PRKAR2A: variants seen among roughly 807,000 people sequenced by gnomAD.
PRKAR2A encodes protein kinase cAMP-dependent type II regulatory subunit alpha.
PRKAR2A carries 29 observed loss-of-function variants against 51.9 expected under a neutral mutation model. The observed-to-expected ratio is 0.56, with a 90% CI of 0.42 to 0.76. PRKAR2A has a LOEUF of 0.76. Ranked by LOEUF, PRKAR2A falls within the 30% of genes least tolerant of loss-of-function variation. PRKAR2A has a pLI of 0.00. For synonymous variants in PRKAR2A, 178 were observed against 186.2 expected (o/e 0.96, Z 0.36); for missense variants, 445 against 512.1 (o/e 0.87, Z 1.26).
chr3:48,811,932 A>T (rs1340029033), intron 1 of PRKAR2A, among the ~76,000 whole-genome samples: 1 of 152,154 alleles, frequency 6.6e-6, no homozygotes, highest in Non-Finnish European at 1.5e-5. Flanking sequence ...AGAAAAACAC[A>T]AAGTAGATGA....
intron 2 of PRKAR2A, among the ~76,000 whole-genome samples, chr3:48,794,535 A>G (rs1394280810): frequency 6.6e-6 from 1 of 151,926 alleles, no homozygotes; most frequent in East Asian, 2.0e-4. Flanking sequence ...TCTCTACTAA[A>G]AATACAAAAA....
chr3:48,758,997 A>C (rs2081820128), intron 8 of PRKAR2A, among the ~76,000 whole-genome samples: 1 of 152,244 alleles, frequency 6.6e-6, no homozygotes, highest in African/African-American at 2.4e-5. Flanking sequence ...AATGAAGGAC[A>C]GTGAAAGGAC....
intron 9 of PRKAR2A, among the ~76,000 whole-genome samples, chr3:48,755,780 CTTTTTTTTTT>C (rs1160883747): frequency 7.5e-6 from 1 of 133,494 alleles, no homozygotes; most frequent in Non-Finnish European, 1.6e-5. Flanking sequence ...CCCCCATTTC[CTTTTTTTTTT>C]TTTTTTTTGA....
chr3:48,799,305 T>C (rs984159635), intron 2 of PRKAR2A, among the ~76,000 whole-genome samples: 6 of 152,140 alleles, frequency 3.9e-5, no homozygotes, highest in Non-Finnish European at 2.9e-5. Context: ...GTAATCCCAA[T>C]ACTTTGGGAG....
At chr3:48,746,238 G>T (rs186361858), downstream of PRKAR2A, among the ~76,000 whole-genome samples, 2 of 151,520 alleles carry the variant, frequency 1.3e-5, no homozygotes, top group Admixed American at 1.3e-4. Context: ...TAGGCTGGGT[G>T]CAGTGGCTCA....
chr3:48,805,764 T>C (rs745960340), intron 2 of PRKAR2A, among the ~76,000 whole-genome samples: 12 of 152,244 alleles, frequency 7.9e-5, no homozygotes, highest in Non-Finnish European at 1.3e-4. Flanking sequence ...TATCATCCTA[T>C]TGAATTATTT....
intron 1 of PRKAR2A, among the ~76,000 whole-genome samples, chr3:48,810,327 C>A (rs1026376171): frequency 2.0e-5 from 3 of 152,066 alleles, no homozygotes; most frequent in South Asian, 4.1e-4. Context: ...GTTCCGTAGA[C>A]CCCCATGGAT....
At chr3:48,811,378 G>C (rs2082767596) in intron 1 of PRKAR2A, among the ~76,000 whole-genome samples, 1 of 152,142 alleles carries the variant, frequency 6.6e-6, no homozygotes, top group Non-Finnish European at 1.5e-5. Flanking sequence ...CAGATGCTGA[G>C]GTGGGAGGAT....
intron 1 of PRKAR2A, among the ~76,000 whole-genome samples, chr3:48,837,942 G>GCCGTGGTGGACAGATCAC: frequency 6.6e-6 from 1 of 152,296 alleles, no homozygotes; most frequent in South Asian, 2.1e-4. Flanking sequence ...ACTTTGGGAG[G>GCCGTGGTGGACAGATCAC]CTGAGGCAGG....
intron 1 of PRKAR2A, among the ~76,000 whole-genome samples, chr3:48,830,322 T>A (rs2083168356): frequency 6.6e-6 from 1 of 152,082 alleles, no homozygotes; most frequent in Admixed American, 6.5e-5. Flanking sequence ...CACCTCTACA[T>A]CTTGTACCAC....
At chr3:48,828,683 G>A (rs1364435479) in intron 1 of PRKAR2A, among the ~76,000 whole-genome samples, 3 of 142,710 alleles carry the variant, frequency 2.1e-5, no homozygotes, top group Non-Finnish European at 3.0e-5. Flanking sequence ...GATCGCACCC[G>A]GGCAACAGAG....
chr3:48,836,419 TAAAAAA>T (rs548970318), intron 1 of PRKAR2A, among the ~76,000 whole-genome samples: 756 of 56,070 alleles, frequency 0.013, 16 homozygotes, highest in African/African-American at 0.033. Context: ...AGACTCCGTC[TAAAAAA>T]AAAAAAAAAA....
At chr3:48,795,017 C>T (rs1412422204) in intron 2 of PRKAR2A, among the ~76,000 whole-genome samples, 2 of 151,116 alleles carry the variant, frequency 1.3e-5, no homozygotes, top group Admixed American at 6.6e-5. Flanking sequence ...CGCTCTGTCA[C>T]CCAAGCTGGA....
intron 1 of PRKAR2A, among the ~76,000 whole-genome samples, chr3:48,822,251 G>T (rs1366113111): frequency 1.3e-5 from 2 of 149,688 alleles, no homozygotes; most frequent in Non-Finnish European, 3.0e-5. Flanking sequence ...CCAGCATCCA[G>T]CCTGGCACTG....
At chr3:48,843,831 T>C (rs2083418072) in intron 1 of PRKAR2A, among the ~76,000 whole-genome samples, 2 of 151,714 alleles carry the variant, frequency 1.3e-5, no homozygotes, top group Admixed American at 6.6e-5. Context: ...ATACAAAAAT[T>C]AATTCAAGAT....
chr3:48,747,552 G>C lies in PRKAR2A; in HGVS notation c.*4033C>G, dbSNP rs1448323869. ...GAATTCACTCATTAAACTGCTCAAAGGAAAAGCTCTACCCTGATTTCTGAG... is the reference window on the plus strand; with the variant it reads ...GAATTCACTCATTAAACTGCTCAAACGAAAAGCTCTACCCTGATTTCTGAG... On this transcript the variant is annotated 3_prime_UTR_variant, in exon 11 of 11. Coordinates refer to ENST00000265563, the MANE Select transcript of PRKAR2A (RefSeq NM_004157.4). 1 of 152,130 alleles carries C rather than the reference G, an allele frequency of 6.6e-6. No individual in the cohort carries two copies. The highest frequency in any genetic ancestry group is 1.5e-5 in the Non-Finnish European group (1 of 68,040). 9.4% of individuals were successfully genotyped at this position (152,130 alleles called of 1,614,324 possible).
At position 48,750,227 on chromosome 3, in the gene PRKAR2A, G is replaced by A. The variant is rs1315244953; in HGVS notation, c.*1358C>T. 2 of 152,250 alleles carry A rather than the reference G, an allele frequency of 1.3e-5. No individual in the cohort carries two copies. Among genetic ancestry groups the A allele is most frequent in the East Asian group, 3.9e-4 (2 of 5,186 alleles). The allele number at this position is 152,250 out of a possible 1,614,324, so 9.4% of individuals were successfully genotyped here. A position where few individuals can be genotyped will look rare whatever the true frequency, so the allele number is the denominator to read the frequency against. On this transcript the variant is annotated 3_prime_UTR_variant, in exon 11 of 11. Coordinates refer to ENST00000265563, the MANE Select transcript of PRKAR2A (RefSeq NM_004157.4). The stretch of plus-strand genomic sequence containing the variant: ...AAAAATACAAAATTCGCCCGGCATG[G>A]TGGCGCATGCCTGTAATCCCAGCTA...
At chr3:48,812,388 G>A (rs2082788559) in intron 1 of PRKAR2A, among the ~76,000 whole-genome samples, 2 of 151,814 alleles carry the variant, frequency 1.3e-5, no homozygotes, top group Admixed American at 1.3e-4. Flanking sequence ...ACACAATGCA[G>A]CAATGACGCA....
chr3:48,821,984 TG>T (rs1404139646), intron 1 of PRKAR2A, among the ~76,000 whole-genome samples: 4 of 150,792 alleles, frequency 2.7e-5, no homozygotes, highest in Admixed American at 6.6e-5. Context: ...CCCAGCACTT[TG>T]GGAGGCCAAG....
Sources: allele counts gnomAD v4.1 joint callset (sites outside exome capture counted in the v4.1 genomes callset), GRCh38; gene constraint gnomAD v4.1.1; transcripts MANE v1.5; gene names NCBI Gene and HGNC (gene_info 2026-07-23, HGNC 2026-07-21).